The following DOK6 variants were observed in gnomAD, a reference collection of about 807,000 sequenced individuals.
The protein encoded by DOK6 is downstream of tyrosine kinase 6.
Under a neutral mutation model 44.0 loss-of-function variants are expected in DOK6, and 22 were observed. The ratio of observed to expected loss-of-function variants is 0.50; its 90% CI spans 0.36 to 0.71. The LOEUF (loss-of-function observed/expected upper bound fraction) is 0.71, where lower values mean the gene tolerates loss of function less well. Among genes scored for constraint, DOK6 ranks in the 30% least tolerant of loss-of-function variants. DOK6 has a pLI of 0.00. For missense variants in DOK6, 340 were observed against 416.4 expected (o/e 0.82, Z 1.60); for synonymous variants, 166 against 145.5 (o/e 1.14, Z -1.01).
At chr18:69,429,533 C>G (rs1006890510) in intron 1 of DOK6, among the ~76,000 whole-genome samples, 1 of 147,198 alleles carries the variant, frequency 6.8e-6, no homozygotes, top group Non-Finnish European at 1.5e-5. Context: ...ATGTTGAAAA[C>G]CACAATGTAT....
chr18:69,455,156 C>CAAAAAAAAAAAAAAAAAA (rs58451274), intron 1 of DOK6, among the ~76,000 whole-genome samples: 40 of 117,396 alleles, frequency 3.4e-4, no homozygotes, highest in Non-Finnish European at 4.8e-4. Context: ...ATAGCTATAG[C>CAAAAAAAAAAAAAAAAAA]AAAAAAAAAA....
chr18:69,647,097 CCTAT>C (rs1369041182), intron 3 of DOK6, among the ~76,000 whole-genome samples: 4 of 151,564 alleles, frequency 2.6e-5, no homozygotes, highest in East Asian at 1.9e-4. Flanking sequence ...ATCTGTCTAT[CCTAT>C]CTGTCTATCT....
intron 3 of DOK6, among the ~76,000 whole-genome samples, chr18:69,625,204 T>G (rs1984530596): frequency 6.6e-6 from 1 of 152,180 alleles, no homozygotes; most frequent in Non-Finnish European, 1.5e-5. Flanking sequence ...TCTTTATTAG[T>G]GTCAAGACCA....
intron 3 of DOK6, among the ~76,000 whole-genome samples, chr18:69,674,177 A>G (rs1020452580): frequency 6.6e-6 from 1 of 152,256 alleles, no homozygotes; most frequent in Non-Finnish European, 1.5e-5. Flanking sequence ...AGAAGAATTA[A>G]AAAGCATAGT....
At chr18:69,744,321 A>G in intron 6 of DOK6, among the ~76,000 whole-genome samples, 1 of 152,062 alleles carries the variant, frequency 6.6e-6, no homozygotes, top group Non-Finnish European at 1.5e-5. Context: ...AAAAAAAAAA[A>G]AAAGAATAAC....
At chr18:69,596,443 T>C (rs538217924) in intron 2 of DOK6, among the ~76,000 whole-genome samples, 21 of 152,092 alleles carry the variant, frequency 1.4e-4, no homozygotes, top group South Asian at 6.2e-4. Flanking sequence ...ATAGTAAAAA[T>C]ACTGAAAGAC....
At chr18:69,517,336 AT>A (rs1188399759) in intron 1 of DOK6, among the ~76,000 whole-genome samples, 1 of 152,168 alleles carries the variant, frequency 6.6e-6, no homozygotes, top group Non-Finnish European at 1.5e-5. Flanking sequence ...AAAAAAAAAC[AT>A]TGTTTTGCTT....
intron 7 of DOK6, among the ~76,000 whole-genome samples, chr18:69,836,315 T>G (rs1433708260): frequency 4.6e-5 from 7 of 152,200 alleles, no homozygotes; most frequent in Admixed American, 4.6e-4. Flanking sequence ...TCATATAATT[T>G]TGGCAGAATA....
In DOK6 at chr18:69,440,613, T is replaced by C. The variant is rs76184312; in HGVS notation, c.66+39303T>C. On this transcript the variant is annotated intron_variant, in intron 1 of 7. Transcript: ENST00000382713. ...TATATTTCTTGGGTTATAGTCTTTTTCACTGAGACCCTTGTAGACTTTTTT... is the reference window on the plus strand; with the variant it reads ...TATATTTCTTGGGTTATAGTCTTTTCCACTGAGACCCTTGTAGACTTTTTT... 5.1e-3 allele frequency among the ~76,000 whole-genome samples: 772 copies of C among 152,288 alleles called. 5 individuals carry two copies. The highest frequency in any genetic ancestry group is 0.018 in the African/African-American group (737 of 41,570).
At chr18:69,403,244 T>C (rs1264810473) in intron 1 of DOK6, among the ~76,000 whole-genome samples, 1 of 152,132 alleles carries the variant, frequency 6.6e-6, no homozygotes, top group African/African-American at 2.4e-5. Context: ...CCCTGGAGTC[T>C]ATAGGATTCC....
At chr18:69,667,486 G>T (rs1030130090) in intron 3 of DOK6, among the ~76,000 whole-genome samples, 2 of 152,124 alleles carry the variant, frequency 1.3e-5, no homozygotes, top group Non-Finnish European at 2.9e-5. Context: ...GGGAGCTAAT[G>T]CTACCTTAAG....
intron 3 of DOK6, among the ~76,000 whole-genome samples, chr18:69,658,816 T>C (rs1378835148): frequency 6.6e-6 from 1 of 152,204 alleles, no homozygotes; most frequent in African/African-American, 2.4e-5. Flanking sequence ...TGGTAACTGG[T>C]TTTCCAATAA....
At chr18:69,711,003 G>C (rs1986742671) in intron 5 of DOK6, among the ~76,000 whole-genome samples, 1 of 152,194 alleles carries the variant, frequency 6.6e-6, no homozygotes, top group Non-Finnish European at 1.5e-5. Flanking sequence ...GCTTTGGTTT[G>C]TCTGCTGTTA....
chr18:69,843,760 A>C lies in DOK6; in HGVS notation c.*2377A>C, dbSNP rs1982287642. On this transcript the variant is annotated 3_prime_UTR_variant, in exon 8 of 8. Transcript: ENST00000382713. ...AGTTCATTCTGAAAATGATGTCGTA[A>C]AAAGAGTATGTGTGAGAGAAATCTC... 6.6e-6 allele frequency: 1 copy of C among 152,220 alleles called. No homozygotes were observed. The highest frequency in any genetic ancestry group is 1.5e-5 in the Non-Finnish European group (1 of 68,034). The allele number at this position is 152,220 out of a possible 1,614,324, so 9.4% of individuals were successfully genotyped here. A position where few individuals can be genotyped will look rare whatever the true frequency, so the allele number is the denominator to read the frequency against.
At chr18:69,838,738 C>CTG (rs1268799348) in intron 7 of DOK6, among the ~76,000 whole-genome samples, 1 of 151,878 alleles carries the variant, frequency 6.6e-6, no homozygotes, top group African/African-American at 2.4e-5. Context: ...CTTCTAACCT[C>CTG]TAACTACTCC....
In DOK6 at chr18:69,844,409, T is replaced by C. The variant is rs1790974; in HGVS notation, c.*3026T>C. ...ATAGACAAAGCCTAGAGGAGGTATC[T>C]ATTTCACTGAGAGATTACACGAGGG... On this transcript the variant is annotated 3_prime_UTR_variant, in exon 8 of 8. Coordinates refer to ENST00000382713, the MANE Select transcript of DOK6 (RefSeq NM_152721.6). 80,381 of 151,934 alleles carry C rather than the reference T, an allele frequency of 0.53. 21,955 individuals carry two copies. Among genetic ancestry groups the C allele is most frequent in the East Asian group, 0.69 (3,565 of 5,154 alleles). 9.4% of individuals were successfully genotyped at this position (151,934 alleles called of 1,614,324 possible).
chr18:69,529,672 G>T (rs1981930519), intron 1 of DOK6, among the ~76,000 whole-genome samples: 2 of 152,014 alleles, frequency 1.3e-5, no homozygotes, highest in South Asian at 4.1e-4. Flanking sequence ...TTATTAAATT[G>T]AAAAGACCTC....
chr18:69,739,847 T>C (rs1027793802), intron 6 of DOK6, among the ~76,000 whole-genome samples: 1 of 152,156 alleles, frequency 6.6e-6, no homozygotes, highest in African/African-American at 2.4e-5. Context: ...ACAGGTAGTG[T>C]TTGGGAAGCA....
intron 5 of DOK6, among the ~76,000 whole-genome samples, chr18:69,725,337 C>T (rs539291193): frequency 1.4e-4 from 22 of 152,286 alleles, no homozygotes; most frequent in African/African-American, 4.1e-4. Flanking sequence ...TAATGAGACT[C>T]GGGTTCTGTA....
Sources: gnomAD v4.1 joint callset for allele counts (sites outside exome capture counted in the v4.1 genomes callset) on GRCh38, gnomAD v4.1.1 for gene constraint, MANE v1.5 for transcripts, NCBI Gene and HGNC (gene_info 2026-07-23, HGNC 2026-07-21) for gene names.